TENM4: variants seen among roughly 807,000 people sequenced by gnomAD.
TENM4 encodes teneurin-4.
A neutral mutation model predicts 243.3 loss-of-function variants in TENM4; 82 were observed. The observed-to-expected ratio is 0.34, with a 90% CI of 0.28 to 0.40. TENM4 has a LOEUF of 0.40. TENM4 is among the 10% of genes least tolerant of loss of function. The pLI, the probability that TENM4 is intolerant of heterozygous loss-of-function variation, is 1.00. For synonymous variants in TENM4, 1,412 were observed against 1,456.3 expected, an observed-to-expected ratio of 0.97 and a Z score of 0.69; for missense variants, 3,138 against 3,673.3, an observed-to-expected ratio of 0.85 and a Z score of 3.77.
Position 78,702,294 on chromosome 11 carries a change from A to G in TENM4, c.4319T>C (p.Ile1440Thr). ...GCAGTGCATGGGCCTCCCGGCGACAATGCGCACCTGGTGGTTTTCAGAGAT... is the reference window on the plus strand; with the variant it reads ...GCAGTGCATGGGCCTCCCGGCGACAGTGCGCACCTGGTGGTTTTCAGAGAT... ...LQISENHQVRIVAGRPMHCQV... is the reference protein window; with the variant it reads ...LQISENHQVRTVAGRPMHCQV... Residue 1440 changes from isoleucine (I) to threonine (T), a missense_variant, in exon 28 of 34, where the codon ATT (isoleucine) becomes ACT (threonine). Physicochemically the swap from Ile to Thr is moderately conservative, Grantham distance 89. Transcript: ENST00000278550. The G allele has an allele frequency of 6.2e-7, 1 of 1,614,026 alleles. No homozygotes were observed. Among genetic ancestry groups the G allele is most frequent in the Non-Finnish European group, 8.5e-7 (1 of 1,179,900 alleles).
chr11:78,903,558 C>G lies in TENM4; in HGVS notation c.494-35G>C, dbSNP rs1414565802. 3 of 1,541,324 alleles carry G rather than the reference C, an allele frequency of 1.9e-6. No homozygotes were observed. In the East Asian group the frequency reaches 7.3e-5, roughly 38 times the overall value. On this transcript the variant is annotated intron_variant, in intron 6 of 33. Transcript: ENST00000278550. ...AAACATGGCGGTCAGCGGCGGTGAG[C>G]TTGGTGCTGCCCCTCGGCTGGAAAA...
rs117478501 is a variant in TENM4 at position 78,953,038 on chromosome 11, G to T, written c.494-49515C>A. 5.9e-3 allele frequency among the ~76,000 whole-genome samples: 900 copies of T among 152,282 alleles called. 5 individuals are homozygous for T. Among genetic ancestry groups the T allele is most frequent in the Non-Finnish European group, 8.3e-3 (563 of 68,032 alleles). On this transcript the variant is annotated intron_variant, in intron 6 of 33. Coordinates refer to ENST00000278550, the MANE Select transcript of TENM4 (RefSeq NM_001098816.3). ...GAAATAGGATCCACCAGGAAAGAGG[G>T]AGTGGAGCATAAATGAATTACCAGT... is the stretch of plus-strand genomic sequence containing the variant.
intron 1 of TENM4, among the ~76,000 whole-genome samples, chr11:79,393,685 T>C (rs1243710497): frequency 6.6e-6 from 1 of 152,178 alleles, no homozygotes; most frequent in African/African-American, 2.4e-5. Flanking sequence ...CCACGATGCA[T>C]ATGGGCACCA....
Position 78,854,217 on chromosome 11 carries a change from G to T in TENM4, c.1568C>A (p.Pro523His), listed in dbSNP as rs79508298. ...TPRQSRGTVPPSSHETGFIQY... is the reference protein window; with the variant it reads ...TPRQSRGTVPHSSHETGFIQY... ...GATGAAGCCTGTCTCATGGCTGGAG[G>T]GGGGCACAGTTCCCCGAGACTGGCG... The change falls in exon 12 of 34, where the codon CCC becomes CAC. Residue 523 changes from proline (P) to histidine (H), a missense_variant. Coordinates refer to ENST00000278550, the MANE Select transcript of TENM4 (RefSeq NM_001098816.3). 6.4e-7 allele frequency: 1 copy of T among 1,551,598 alleles called. No homozygotes were observed. Among genetic ancestry groups the T allele is most frequent in the Non-Finnish European group, 8.7e-7 (1 of 1,146,948 alleles).
intron 6 of TENM4, among the ~76,000 whole-genome samples, chr11:78,921,651 G>A (rs116373636): frequency 0.011 from 1,736 of 152,290 alleles, 32 homozygotes; most frequent in African/African-American, 0.04. Flanking sequence ...GAGATGGAAG[G>A]TGCAGGACCA....
intron 2 of TENM4, among the ~76,000 whole-genome samples, chr11:79,272,431 G>C (rs1387648312): frequency 1.3e-5 from 2 of 152,038 alleles, no homozygotes; most frequent in Non-Finnish European, 2.9e-5. Flanking sequence ...ATATTATAAT[G>C]TTGCTACCTA....
At chr11:79,031,219 C>T (rs1859227580) in intron 6 of TENM4, among the ~76,000 whole-genome samples, 1 of 152,178 alleles carries the variant, frequency 6.6e-6, no homozygotes, top group Admixed American at 6.5e-5. Context: ...ATTAGAGGAG[C>T]TCAGCAAAGG....
chr11:79,027,544 G>T (rs180959736), intron 6 of TENM4, among the ~76,000 whole-genome samples: 23 of 152,332 alleles, frequency 1.5e-4, no homozygotes, highest in Admixed American at 1.5e-3. Context: ...ATTCTCAGCT[G>T]CATCCTTAGT....
intron 1 of TENM4, among the ~76,000 whole-genome samples, chr11:79,409,114 G>A (rs1322039278): frequency 5.6e-5 from 8 of 143,710 alleles, no homozygotes; most frequent in Admixed American, 1.4e-4. Flanking sequence ...GCGCGCGCGC[G>A]TGCGTGCACG....
chr11:79,346,004 A>G (rs1000562068), intron 1 of TENM4, among the ~76,000 whole-genome samples: 3 of 152,204 alleles, frequency 2.0e-5, no homozygotes, highest in Admixed American at 6.5e-5. Context: ...TAATTATCAC[A>G]TGTCTCCATA....
chr11:78,941,899 G>T (rs112625225), intron 6 of TENM4, among the ~76,000 whole-genome samples: 6 of 152,088 alleles, frequency 3.9e-5, no homozygotes, highest in South Asian at 2.1e-4. Context: ...TTGTACACAG[G>T]CTCTCTTTGG....
intron 1 of TENM4, among the ~76,000 whole-genome samples, chr11:79,323,070 A>G (rs1856917821): frequency 6.6e-6 from 1 of 152,234 alleles, no homozygotes; most frequent in Admixed American, 6.5e-5. Context: ...CACTCACAGT[A>G]GATACTTTGT....
chr11:79,269,158 A>G (rs895786819), intron 2 of TENM4, among the ~76,000 whole-genome samples: 1 of 152,232 alleles, frequency 6.6e-6, no homozygotes, highest in African/African-American at 2.4e-5. Context: ...ACTGTAAAAA[A>G]TGAGAATCAC....
At chr11:79,011,636 G>C (rs916839061) in intron 6 of TENM4, among the ~76,000 whole-genome samples, 2 of 152,214 alleles carry the variant, frequency 1.3e-5, no homozygotes, top group African/African-American at 4.8e-5. Context: ...ACAGGGGTCT[G>C]CACCCCCGCT....
rs1202265793 is a variant in TENM4, at chr11:78,655,389, C to T, written c.*2669G>A. The T allele has an allele frequency of 2.0e-5, 3 of 151,902 alleles. No homozygotes were observed. The highest frequency in any genetic ancestry group is 4.4e-5 in the Non-Finnish European group (3 of 67,982). The allele number at this position is 151,902 out of a possible 1,614,324, so 9.4% of individuals were successfully genotyped here. ...AAAAATATAAGATCCTTTAAAGAAA[C>T]AAACACTCAGTCCAGGCGCAGTGGC... is the stretch of plus-strand genomic sequence containing the variant. On this transcript the variant is annotated 3_prime_UTR_variant, in exon 34 of 34. Transcript: ENST00000278550.
chr11:79,354,280 G>A (rs567763751), intron 1 of TENM4, among the ~76,000 whole-genome samples: 162 of 152,324 alleles, frequency 1.1e-3, no homozygotes, highest in Non-Finnish European at 2.1e-3. Flanking sequence ...GGAAGGCAGA[G>A]CTGGCTGATG....
intron 21 of TENM4, 48 bp downstream of exon 21, chr11:78,732,268 C>T (rs1233793466): frequency 6.5e-7 from 1 of 1,545,486 alleles, no homozygotes; most frequent in Admixed American, 2.0e-5. Context: ...CCTCCACCCC[C>T]AAAATGAAAT....
chr11:78,946,407 G>T (rs1389367916), intron 6 of TENM4, among the ~76,000 whole-genome samples: 3 of 152,296 alleles, frequency 2.0e-5, no homozygotes, highest in African/African-American at 7.2e-5. Context: ...CAGAAGAAAA[G>T]ACTTCTTTTA....
At chr11:79,354,260 A>G (rs1187070815) in intron 1 of TENM4, among the ~76,000 whole-genome samples, 1 of 152,208 alleles carries the variant, frequency 6.6e-6, no homozygotes, top group Non-Finnish European at 1.5e-5. Context: ...CAGGACACGG[A>G]GATCTTCGGG....
Sources: gnomAD v4.1 joint callset for allele counts (sites outside exome capture counted in the v4.1 genomes callset) on GRCh38, gnomAD v4.1.1 for gene constraint, MANE v1.5 for transcripts, NCBI Gene and HGNC (gene_info 2026-07-23, HGNC 2026-07-21) for gene names.